The following ARMH4 variants were observed in gnomAD, a reference collection of about 807,000 sequenced individuals.
ARMH4 encodes armadillo like helical domain containing 4, also known as armadillo-like helical domain-containing protein 4.
ARMH4 carries 49 observed loss-of-function variants against 61.9 expected under a neutral mutation model. The ratio of observed to expected loss-of-function variants is 0.79; its 90% CI spans 0.63 to 1.00. The LOEUF (loss-of-function observed/expected upper bound fraction) is 1.00, where lower values mean the gene tolerates loss of function less well. ARMH4 is among the 50% of genes least tolerant of loss of function. The pLI, the probability that ARMH4 is intolerant of heterozygous loss-of-function variation, is 0.00. For missense variants in ARMH4, 934 were observed against 930.0 expected, an observed-to-expected ratio of 1.00 and a Z score of -0.06; for synonymous variants, 368 against 341.5, an observed-to-expected ratio of 1.08 and a Z score of -0.85.
At chr14:58,085,670 G>T (rs1051060182) in intron 5 of ARMH4, among the ~76,000 whole-genome samples, 1 of 152,106 alleles carries the variant, frequency 6.6e-6, no homozygotes, top group Admixed American at 6.5e-5. Flanking sequence ...TGAAAATACA[G>T]AGAAGAGCTT....
chr14:58,129,096 T>A (rs1221094925), intron 4 of ARMH4, among the ~76,000 whole-genome samples: 1 of 152,206 alleles, frequency 6.6e-6, no homozygotes, highest in African/African-American at 2.4e-5. Context: ...TGCGTAAGAA[T>A]AAATTTCTGT....
intron 5 of ARMH4, among the ~76,000 whole-genome samples, chr14:58,053,032 A>C (rs1038219602): frequency 6.6e-6 from 1 of 152,052 alleles, no homozygotes; most frequent in Non-Finnish European, 1.5e-5. Context: ...GGCCACCAAG[A>C]TCTTTTGATC....
chr14:58,057,576 G>A lies in ARMH4; in HGVS notation c.2089+39148C>T, dbSNP rs868502818. Among the ~76,000 whole-genome samples the A allele has an allele frequency of 9.3e-3, 1,418 of 152,110 alleles. 22 individuals are homozygous for A. The highest frequency in any genetic ancestry group is 0.032 in the African/African-American group (1,332 of 41,484). On this transcript the variant is annotated intron_variant, in intron 5 of 7. Transcript: ENST00000267485. ...AGGGTGTGTGTGTGTGTGTCTGTGT[G>A]TGTGTGTGTGTGTATTTTGATGGAC...
At chr14:58,150,449 G>A (rs1334990619) in intron 1 of ARMH4, among the ~76,000 whole-genome samples, 2 of 152,156 alleles carry the variant, frequency 1.3e-5, no homozygotes, top group Non-Finnish European at 2.9e-5. Flanking sequence ...CTTTAGGTGG[G>A]GAGTGGACAT....
chr14:58,040,057 A>T (rs978190643), intron 5 of ARMH4, among the ~76,000 whole-genome samples: 1 of 152,218 alleles, frequency 6.6e-6, no homozygotes, highest in Non-Finnish European at 1.5e-5. Context: ...ATGTAAATGA[A>T]CACAGAAGAA....
intron 1 of ARMH4, among the ~76,000 whole-genome samples, chr14:58,146,809 A>G (rs1887743037): frequency 6.6e-6 from 1 of 152,228 alleles, no homozygotes; most frequent in South Asian, 2.1e-4. Flanking sequence ...TACCAAAATG[A>G]AGACACAAAA....
intron 4 of ARMH4, among the ~76,000 whole-genome samples, chr14:58,099,996 T>C (rs1339763760): frequency 6.6e-6 from 1 of 152,154 alleles, no homozygotes; most frequent in Non-Finnish European, 1.5e-5. Context: ...CTAAGCCTGG[T>C]GCATACTGGA....
chr14:58,116,573 G>A (rs1305792380), intron 4 of ARMH4: 2 of 168,538 alleles, frequency 1.2e-5, no homozygotes, highest in African/African-American at 4.7e-5. Flanking sequence ...ATACTCAGGA[G>A]GCTGAAGTGG....
chr14:58,051,248 T>A (rs980487217), intron 5 of ARMH4, among the ~76,000 whole-genome samples: 2 of 152,108 alleles, frequency 1.3e-5, no homozygotes, highest in Admixed American at 6.5e-5. Flanking sequence ...ATTAACCACA[T>A]CAATTTCTAG....
In ARMH4 at chr14:58,005,078, C is replaced by G; in HGVS notation, c.2226G>C (p.Arg742Ser). ...LYSIKVMNRRRRNGFKRHKRK... is the reference protein window; with the variant it reads ...LYSIKVMNRRSRNGFKRHKRK... ...TTTTATGCCTTTTGAAGCCATTTCT[C>G]CTTCGGCGATTCATAACCTTAATGC... Residue 742 changes from arginine to serine, a missense_variant, in exon 7 of 8, where the codon AGG (arginine) becomes AGC (serine). Physicochemically the swap from Arg to Ser is moderately radical, Grantham distance 110. Transcript: ENST00000267485. The G allele has an allele frequency of 1.2e-6, 2 of 1,614,044 alleles. No homozygotes were observed. The highest frequency in any genetic ancestry group is 1.1e-5 in the South Asian group (1 of 91,078).
chr14:58,130,018 A>G (rs919974680), intron 4 of ARMH4, among the ~76,000 whole-genome samples: 1 of 152,234 alleles, frequency 6.6e-6, no homozygotes, highest in African/African-American at 2.4e-5. Flanking sequence ...ATCATCTACT[A>G]AATTTAGAAA....
chr14:58,056,412 A>C (rs178484), intron 5 of ARMH4, among the ~76,000 whole-genome samples: 4,996 of 152,316 alleles, frequency 0.033, 274 homozygotes, highest in African/African-American at 0.11. Flanking sequence ...TTGTTCCTTT[A>C]CAAAGCCCAT....
chr14:58,058,749 G>A (rs76685231), intron 5 of ARMH4, among the ~76,000 whole-genome samples: 339 of 152,306 alleles, frequency 2.2e-3, no homozygotes, highest in African/African-American at 7.7e-3. Context: ...TATCAGCAAG[G>A]TCTCTGTGAC....
chr14:58,002,176 G>T lies in ARMH4; in HGVS notation c.*2560C>A, dbSNP rs983037812. 8 of 152,072 alleles carry T rather than the reference G, an allele frequency of 5.3e-5. No homozygotes were observed. The highest frequency in any genetic ancestry group is 7.4e-5 in the Non-Finnish European group (5 of 68,016). The allele number at this position is 152,072 out of a possible 1,614,324, so 9.4% of individuals were successfully genotyped here. On this transcript the variant is annotated 3_prime_UTR_variant, in exon 8 of 8. Transcript: ENST00000267485. ...AGCAGCATCTCTAATCCCAGGTTTT[G>T]TTTAAAATATGACAACCTTTTCTGA... is the stretch of plus-strand genomic sequence containing the variant.
At chr14:58,124,147 T>C (rs1645606467) in intron 4 of ARMH4, among the ~76,000 whole-genome samples, 1 of 152,206 alleles carries the variant, frequency 6.6e-6, no homozygotes, top group Admixed American at 6.5e-5. Flanking sequence ...GACCATTATA[T>C]ACACTAATTA....
intron 1 of ARMH4, chr14:58,141,731 A>C: frequency 4.9e-6 from 1 of 203,252 alleles, no homozygotes; most frequent in Non-Finnish European, 9.9e-6. Context: ...GGCCTCAATA[A>C]AGTGTCCCTT....
intron 5 of ARMH4, among the ~76,000 whole-genome samples, chr14:58,015,343 G>A (rs1882571317): frequency 6.6e-6 from 1 of 152,164 alleles, no homozygotes; most frequent in South Asian, 2.1e-4. Context: ...CTTGGCTGGA[G>A]AGAGAGGATA....
At chr14:58,148,875 ACACACG>A (rs897557304) in intron 1 of ARMH4, among the ~76,000 whole-genome samples, 2 of 150,726 alleles carry the variant, frequency 1.3e-5, no homozygotes, top group African/African-American at 4.9e-5. Context: ...ACACACACAC[ACACACG>A]CAACAGACCA....
chr14:58,043,953 T>G (rs140436126), intron 5 of ARMH4, among the ~76,000 whole-genome samples: 50,661 of 151,792 alleles, frequency 0.33, 8,511 homozygotes, highest in Non-Finnish European at 0.36. Context: ...CACTGCTCAA[T>G]GAAATAAAAG....
Sources: gnomAD v4.1 joint callset for allele counts (sites outside exome capture counted in the v4.1 genomes callset) on GRCh38, gnomAD v4.1.1 for gene constraint, MANE v1.5 for transcripts, NCBI Gene and HGNC (gene_info 2026-07-23, HGNC 2026-07-21) for gene names.